Variants in ZNF112 observed in about 807,000 individuals in gnomAD.
ZNF112 encodes the protein zinc finger protein 112 (Y14).
A neutral mutation model predicts 77.7 loss-of-function variants in ZNF112; 37 were observed. The observed-to-expected ratio is 0.48, with a 90% CI of 0.37 to 0.63. The LOEUF is 0.63. Among genes scored for constraint, ZNF112 ranks in the 20% least tolerant of loss-of-function variants. The pLI, the probability that ZNF112 is intolerant of heterozygous loss-of-function variation, is 0.00. For missense variants in ZNF112, 950 were observed against 1,077.4 expected (o/e 0.88, Z 1.66); for synonymous variants, 333 against 363.6 (o/e 0.92, Z 0.96).
intron 1 of ZNF112, among the ~76,000 whole-genome samples, chr19:44,364,849 A>G (rs1970887572): frequency 6.6e-6 from 1 of 152,210 alleles, no homozygotes; most frequent in Admixed American, 6.5e-5. Flanking sequence ...AGGGTCCCTG[A>G]ACCAATTCCC....
intron 1 of ZNF112, among the ~76,000 whole-genome samples, chr19:44,342,862 C>G (rs957875112): frequency 6.7e-6 from 1 of 150,072 alleles, no homozygotes; most frequent in Non-Finnish European, 1.5e-5. Context: ...GGGATAACAA[C>G]AGTTTACGTC....
chr19:44,328,776 T>G lies in ZNF112; in HGVS notation c.1381A>C (p.Lys461Gln), dbSNP rs1366105922. 2.5e-6 allele frequency: 4 copies of G among 1,614,104 alleles called. No homozygotes were observed. The Admixed American group carries it at 6.7e-5, about 27-fold the overall frequency. ...ACATAGCGTTTATATGGTTGTTCCT[T>G]AGTGTGGACTATCTGAAGGTCCTGA... ...HFQDLQIVHT[K>Q]EQPYKRYVCS... Residue 461 changes from lysine to glutamine, a missense_variant, in exon 4 of 4, where the codon AAG (lysine) becomes CAG (glutamine). Lys to Gln is a moderately conservative substitution (Grantham distance 53). Coordinates refer to ENST00000354340, the MANE Select transcript of ZNF112 (RefSeq NM_013380.4).
intron 1 of ZNF112, chr19:44,341,082 T>G (rs765428088): frequency 2.2e-6 from 1 of 449,592 alleles, no homozygotes; most frequent in East Asian, 7.0e-5. Context: ...AAGTTTCCTA[T>G]CTTCTCATTT....
At chr19:44,345,066 C>G (rs1249951545) in intron 1 of ZNF112, among the ~76,000 whole-genome samples, 1 of 152,164 alleles carries the variant, frequency 6.6e-6, no homozygotes, top group Non-Finnish European at 1.5e-5. Context: ...AGGACAGTGG[C>G]TCTTAAGCTG....
chr19:44,366,776 T>A (rs1363641047), intron 1 of ZNF112, among the ~76,000 whole-genome samples: 2 of 151,490 alleles, frequency 1.3e-5, no homozygotes, highest in Non-Finnish European at 2.9e-5. Flanking sequence ...AGCTTTCAGG[T>A]AACTGGGGCT....
chr19:44,358,096 G>C (rs1199474690), upstream of ZNF112, among the ~76,000 whole-genome samples: 1 of 146,940 alleles, frequency 6.8e-6, no homozygotes, highest in Admixed American at 6.9e-5. Context: ...AGCTTGCAGT[G>C]AGCCGAGATC....
chr19:44,357,738 T>C (rs576634061), upstream of ZNF112, among the ~76,000 whole-genome samples: 17 of 152,272 alleles, frequency 1.1e-4, no homozygotes, highest in East Asian at 3.3e-3. Context: ...GATAAGTCTC[T>C]TGTAAAACCT....
chr19:44,345,293 A>G (rs1034655737), intron 1 of ZNF112, among the ~76,000 whole-genome samples: 1 of 152,334 alleles, frequency 6.6e-6, no homozygotes, highest in African/African-American at 2.4e-5. Flanking sequence ...TTGGCCTCTC[A>G]AGAAAATTGT....
chr19:44,332,046 G>A (rs1038884529), intron 3 of ZNF112, among the ~76,000 whole-genome samples: 5 of 152,150 alleles, frequency 3.3e-5, no homozygotes, highest in South Asian at 2.1e-4. Context: ...GCATGGTGAC[G>A]CAATCCTGTA....
At chr19:44,336,251 C>G (rs1014906878) in intron 3 of ZNF112, among the ~76,000 whole-genome samples, 8 of 152,162 alleles carry the variant, frequency 5.3e-5, no homozygotes, top group Admixed American at 5.2e-4. Flanking sequence ...TTATTCTACA[C>G]CTATTAGCTG....
At chr19:44,352,253 A>G (rs996803915) in intron 1 of ZNF112, among the ~76,000 whole-genome samples, 10 of 152,132 alleles carry the variant, frequency 6.6e-5, no homozygotes, top group Non-Finnish European at 1.5e-4. Flanking sequence ...TAAAAAATAA[A>G]TGTTAAAAAA....
intron 1 of ZNF112, among the ~76,000 whole-genome samples, chr19:44,352,583 T>G (rs1271623220): frequency 6.6e-6 from 1 of 152,084 alleles, no homozygotes; most frequent in Admixed American, 6.6e-5. Context: ...ACACAACATG[T>G]GTCTCTGTGG....
chr19:44,331,275 C>T (rs144551151), intron 3 of ZNF112, among the ~76,000 whole-genome samples: 1 of 152,162 alleles, frequency 6.6e-6, no homozygotes, highest in African/African-American at 2.4e-5. Context: ...CTGAGGTGCT[C>T]ATTAGCCAGG....
upstream of ZNF112, among the ~76,000 whole-genome samples, chr19:44,357,132 T>C (rs1455722963): frequency 6.6e-6 from 1 of 152,216 alleles, no homozygotes; most frequent in Non-Finnish European, 1.5e-5. Context: ...ATAGTCACTA[T>C]TCTCTTTTGG....
chr19:44,363,290 A>T (rs574072230), intron 1 of ZNF112, among the ~76,000 whole-genome samples: 55 of 152,328 alleles, frequency 3.6e-4, no homozygotes, highest in Non-Finnish European at 1.8e-4. Flanking sequence ...TATAACATAA[A>T]GAAGAGTTGG....
At position 44,328,245 on chromosome 19, in the gene ZNF112, T is replaced by C. The variant is rs753786459; in HGVS notation, c.1912A>G (p.Lys638Glu). The change falls in exon 4 of 4, where the codon AAG becomes GAG. Residue 638 changes from lysine (K) to glutamate (E), a missense_variant. Around this residue, in one of 3 missense-constraint regions of ZNF112, gnomAD observed 373 missense variants for 482.8 expected, o/e 0.77. Transcript: ENST00000354340. ...EKPFKCEECG[K>E]GFSWSFNLQI... ...AGATTAAAGCTCCAACTGAACCCCT[T>C]CCCACATTCCTCACATTTGAATGGT... 1.9e-6 allele frequency: 3 copies of C among 1,614,082 alleles called. No individual in the cohort carries two copies. Among genetic ancestry groups the C allele is most frequent in the Admixed American group, 1.7e-5 (1 of 60,010 alleles).
Position 44,328,220 on chromosome 19 carries a change from A to G in ZNF112, c.1937T>C (p.Leu646Pro), listed in dbSNP as rs200771302. Residue 646 changes from leucine (L) to proline (P), a missense_variant, in exon 4 of 4, where the codon CTT becomes CCT. Leu to Pro is a moderately conservative substitution (Grantham distance 98). Around this residue, in one of 3 missense-constraint regions of ZNF112, gnomAD observed 373 missense variants for 482.8 expected, o/e 0.77. Coordinates refer to ENST00000354340, the MANE Select transcript of ZNF112 (RefSeq NM_013380.4). ...TGTGTGAACCCTCTGATGAATTTGA[A>G]GATTAAAGCTCCAACTGAACCCCTT... ...CGKGFSWSFN[L>P]QIHQRVHTGE... 1 of 1,614,106 alleles carries G rather than the reference A, an allele frequency of 6.2e-7. No homozygotes were observed. The highest frequency in any genetic ancestry group is 2.2e-5 in the East Asian group (1 of 44,862).
intron 2 of ZNF112, 127 bp downstream of exon 2, chr19:44,340,289 G>A (rs1970465866): frequency 1.6e-6 from 2 of 1,282,990 alleles, no homozygotes; most frequent in Non-Finnish European, 2.1e-6. Flanking sequence ...GTTGCACGGG[G>A]ATTATTAGGA....
chr19:44,330,865 T>C (rs1033462554), intron 3 of ZNF112, among the ~76,000 whole-genome samples: 4 of 152,252 alleles, frequency 2.6e-5, no homozygotes, highest in African/African-American at 9.6e-5. Flanking sequence ...CAAACGCCTT[T>C]TGTCCTAATA....
Sources: gnomAD v4.1 joint callset for allele counts (sites outside exome capture counted in the v4.1 genomes callset) on GRCh38, gnomAD v4.1.1 for gene constraint, gnomAD v4.1.1 regional missense constraint, MANE v1.5 for transcripts, NCBI Gene and HGNC (gene_info 2026-07-23, HGNC 2026-07-21) for gene names.